Variants in TENM4 observed in about 807,000 individuals in gnomAD.
TENM4 encodes the protein teneurin-4.
TENM4 carries 82 observed loss-of-function variants against 243.3 expected under a neutral mutation model. That is an observed-to-expected ratio of 0.34 (90% CI 0.28 to 0.40). The LOEUF is 0.40. Among genes scored for constraint, TENM4 ranks in the 10% least tolerant of loss-of-function variants. The pLI is 1.00. For missense variants in TENM4, 3,138 were observed against 3,673.3 expected, an observed-to-expected ratio of 0.85 and a Z score of 3.77; for synonymous variants, 1,412 against 1,456.3, an observed-to-expected ratio of 0.97 and a Z score of 0.69.
chr11:78,765,169 G>C (rs1309839859), intron 18 of TENM4, among the ~76,000 whole-genome samples: 1 of 152,182 alleles, frequency 6.6e-6, no homozygotes. Flanking sequence ...GGAGGCCCTG[G>C]GGGTGGAAGG....
chr11:78,743,442 A>G (rs1174142558), intron 19 of TENM4, among the ~76,000 whole-genome samples: 1 of 152,242 alleles, frequency 6.6e-6, no homozygotes, highest in Non-Finnish European at 1.5e-5. Flanking sequence ...TGCAGGGCAC[A>G]GAGTAAGTTC....
At chr11:79,395,345 C>A (rs1157103965) in intron 1 of TENM4, among the ~76,000 whole-genome samples, 1 of 152,146 alleles carries the variant, frequency 6.6e-6, no homozygotes, top group African/African-American at 2.4e-5. Context: ...CTACTATATT[C>A]CAGGGCCAGG....
chr11:78,978,486 C>G (rs950452270), intron 6 of TENM4, among the ~76,000 whole-genome samples: 1 of 152,152 alleles, frequency 6.6e-6, no homozygotes, highest in African/African-American at 2.4e-5. Flanking sequence ...ATGAAATGAG[C>G]TCCAGACAGA....
intron 4 of TENM4, among the ~76,000 whole-genome samples, chr11:79,077,184 T>G (rs1006643776): frequency 2.6e-5 from 4 of 152,132 alleles, no homozygotes; most frequent in Non-Finnish European, 4.4e-5. Flanking sequence ...TGCCAAGCCT[T>G]GTTGGAGGCA....
At chr11:78,889,443 T>C (rs560733044) in intron 9 of TENM4, among the ~76,000 whole-genome samples, 3 of 152,336 alleles carry the variant, frequency 2.0e-5, no homozygotes, top group East Asian at 1.9e-4. Context: ...TTTAGTTGTA[T>C]TGACTCAATC....
At chr11:79,250,533 T>C (rs1225289312) in intron 2 of TENM4, among the ~76,000 whole-genome samples, 1 of 152,242 alleles carries the variant, frequency 6.6e-6, no homozygotes, top group African/African-American at 2.4e-5. Context: ...AACCCCACTG[T>C]TCTATGCACC....
intron 5 of TENM4, 22 bp downstream of exon 5, chr11:79,069,700 G>C (rs1280179072): frequency 2.0e-6 from 3 of 1,536,916 alleles, no homozygotes; most frequent in East Asian, 4.9e-5. Flanking sequence ...CCTGAGGCCC[G>C]CCCCCTCGGC....
intron 6 of TENM4, among the ~76,000 whole-genome samples, chr11:78,971,022 T>A (rs1464277739): frequency 6.6e-6 from 1 of 152,056 alleles, no homozygotes; most frequent in East Asian, 1.9e-4. Context: ...ATTTAAAAAA[T>A]TTATTTTAGA....
intron 6 of TENM4, among the ~76,000 whole-genome samples, chr11:79,026,019 T>G (rs896449644): frequency 3.9e-5 from 6 of 152,188 alleles, no homozygotes; most frequent in Non-Finnish European, 5.9e-5. Flanking sequence ...TATTTCTAGA[T>G]GCTGTAAGCC....
At position 79,067,335 on chromosome 11, in the gene TENM4, C is replaced by T. The variant is rs184763318; in HGVS notation, c.224-2328G>A. ...CTCAGTCGGCTTCCTGCTCTCCCTGCGTATCACACTCCCTGGCCGCTCTCT... is the reference window on the plus strand; with the variant it reads ...CTCAGTCGGCTTCCTGCTCTCCCTGTGTATCACACTCCCTGGCCGCTCTCT... On this transcript the variant is annotated intron_variant, in intron 5 of 33. Coordinates refer to ENST00000278550, the MANE Select transcript of TENM4 (RefSeq NM_001098816.3). Among the ~76,000 whole-genome samples the T allele has an allele frequency of 2.8e-3, 404 of 145,852 alleles. 2 individuals are homozygous for T. The highest frequency in any genetic ancestry group is 3.6e-3 in the Middle Eastern group (1 of 276).
intron 7 of TENM4, among the ~76,000 whole-genome samples, chr11:78,898,166 GAGCACAGGT>G (rs1855841093): frequency 6.6e-6 from 1 of 152,174 alleles, no homozygotes; most frequent in Non-Finnish European, 1.5e-5. Context: ...AGCTCAAAGG[GAGCACAGGT>G]AGGCCCAGGC....
chr11:78,744,423 G>A (rs1856000522), intron 19 of TENM4, among the ~76,000 whole-genome samples: 1 of 152,166 alleles, frequency 6.6e-6, no homozygotes, highest in Non-Finnish European at 1.5e-5. Flanking sequence ...AACTTCTTTT[G>A]GTAAAGGTGA....
At chr11:79,285,885 G>C (rs548327240) in intron 2 of TENM4, among the ~76,000 whole-genome samples, 59 of 152,280 alleles carry the variant, frequency 3.9e-4, no homozygotes, top group African/African-American at 1.3e-3. Flanking sequence ...GGGGGAGCAG[G>C]GTATGGGGAA....
At chr11:79,107,011 G>A (rs914850999) in intron 4 of TENM4, among the ~76,000 whole-genome samples, 3 of 152,134 alleles carry the variant, frequency 2.0e-5, no homozygotes, top group South Asian at 2.1e-4. Context: ...CTGTTCTAAG[G>A]CCTTCACAAA....
Position 79,064,766 on chromosome 11 carries a change from G to C in TENM4, c.465C>G (p.Thr155=), listed in dbSNP as rs773017125. 3 of 1,551,492 alleles carry C rather than the reference G, an allele frequency of 1.9e-6. No individual in the cohort carries two copies. In the South Asian group the frequency reaches 3.6e-5, roughly 18 times the overall value. The stretch of plus-strand genomic sequence containing the variant: ...TCTCAGTGTTTTCATGCTCGGTGTC[G>C]GTGAGTGTGAGATTGGAATTGGCCC... ...SSRANSNLTL[T]DTEHENTETD... is the part of the protein sequence containing the mutation. Residue 155 remains threonine, a synonymous_variant, in exon 6 of 34, where the codon ACC becomes ACG. Transcript: ENST00000278550.
At position 79,430,876 on chromosome 11, in the gene TENM4, T is replaced by G. The variant is rs147309782; in HGVS notation, c.-321+9633A>C. On this transcript the variant is annotated intron_variant, in intron 1 of 33. Transcript: ENST00000278550. ...AATGGCCATAAAGAGAATTCAGTTT[T>G]AACATTAGAAAGAACATCTAGGCCT... Among the ~76,000 whole-genome samples, 348 of 152,302 alleles carry G rather than the reference T, an allele frequency of 2.3e-3. 3 individuals carry two copies. The highest frequency in any genetic ancestry group is 4.0e-3 in the Non-Finnish European group (272 of 68,034).
intron 6 of TENM4, among the ~76,000 whole-genome samples, chr11:79,045,166 T>C (rs559611982): frequency 1.3e-5 from 2 of 152,110 alleles, no homozygotes; most frequent in African/African-American, 4.8e-5. Flanking sequence ...CTGGAGGATA[T>C]TGCGTTGGTG....
At chr11:79,085,383 A>AG (rs1278028139) in intron 4 of TENM4, among the ~76,000 whole-genome samples, 2 of 68,892 alleles carry the variant, frequency 2.9e-5, no homozygotes, top group East Asian at 7.9e-4. Context: ...TCTCAAAAAA[A>AG]AAAAAGGGGG....
intron 2 of TENM4, among the ~76,000 whole-genome samples, chr11:79,223,585 C>T (rs1864204866): frequency 6.6e-6 from 1 of 152,162 alleles, no homozygotes; most frequent in African/African-American, 2.4e-5. Context: ...TCCAAACTCT[C>T]CCCTATAGCA....
Sources: gnomAD v4.1 joint callset for allele counts (sites outside exome capture counted in the v4.1 genomes callset) on GRCh38, gnomAD v4.1.1 for gene constraint, MANE v1.5 for transcripts, NCBI Gene and HGNC (gene_info 2026-07-23, HGNC 2026-07-21) for gene names.